ATP2B4: variants seen among roughly 807,000 people sequenced by gnomAD.
ATP2B4 encodes ATPase plasma membrane Ca2+ transporting 4.
In ATP2B4, 39 loss-of-function variants were observed where a neutral mutation model predicts 110.3. The observed-to-expected ratio is 0.35, with a 90% CI of 0.27 to 0.46. The LOEUF is 0.46. Ranked by LOEUF, ATP2B4 falls within the 20% of genes least tolerant of loss-of-function variation. The pLI is 1.00. For missense variants in ATP2B4, 1,135 were observed against 1,530.9 expected (o/e 0.74, Z 4.32); for synonymous variants, 538 against 571.7 (o/e 0.94, Z 0.84).
At chr1:203,657,512 A>G (rs535004006) in intron 1 of ATP2B4, 1 of 794,220 alleles carries the variant, frequency 1.3e-6, no homozygotes, top group Admixed American at 1.8e-5. Context: ...GAGTCTTTTC[A>G]TCCTTCTTTT....
chr1:203,665,865 T>A (rs1664488211), intron 1 of ATP2B4, among the ~76,000 whole-genome samples: 1 of 151,952 alleles, frequency 6.6e-6, no homozygotes, highest in African/African-American at 2.4e-5. Flanking sequence ...TGCTAATACA[T>A]GCTTAAATGT....
chr1:203,725,595 A>AT (rs1666485417), intron 19 of ATP2B4, among the ~76,000 whole-genome samples: 1 of 152,188 alleles, frequency 6.6e-6, no homozygotes, highest in Non-Finnish European at 1.5e-5. Flanking sequence ...ATTCCTTATA[A>AT]ATAATCAAAT....
chr1:203,733,110 C>T (rs1666779402), intron 20 of ATP2B4: 1 of 989,866 alleles, frequency 1.0e-6, no homozygotes, highest in African/African-American at 1.6e-5. Flanking sequence ...TCCCCTTTTC[C>T]CATCTACTTC....
At chr1:203,653,985 A>ATATATATATATATT (rs1426863910) in intron 1 of ATP2B4, among the ~76,000 whole-genome samples, 2 of 112,438 alleles carry the variant, frequency 1.8e-5, no homozygotes, top group African/African-American at 7.8e-5. Flanking sequence ...ATATATATAT[A>ATATATATATATATT]TTTTTTTTTT....
intron 19 of ATP2B4, among the ~76,000 whole-genome samples, chr1:203,724,890 T>TTTTTTTTTA (rs1275386550): frequency 6.8e-6 from 1 of 147,644 alleles, no homozygotes; most frequent in Admixed American, 6.8e-5. Context: ...TTTTTTTTTT[T>TTTTTTTTTA]TTCTGAGACA....
chr1:203,635,650 C>CA (rs34503344), intron 1 of ATP2B4, among the ~76,000 whole-genome samples: 225 of 144,434 alleles, frequency 1.6e-3, no homozygotes, highest in African/African-American at 2.6e-3. Flanking sequence ...GACCCTGTCT[C>CA]AAAAAAAAAA....
chr1:203,732,515 C>A (rs1666759488), intron 20 of ATP2B4, among the ~76,000 whole-genome samples: 1 of 152,196 alleles, frequency 6.6e-6, no homozygotes, highest in Non-Finnish European at 1.5e-5. Context: ...CCCAGCAACT[C>A]ATGGCCCAGG....
At chr1:203,720,085 T>A (rs1389439040) in intron 15 of ATP2B4, among the ~76,000 whole-genome samples, 2 of 152,112 alleles carry the variant, frequency 1.3e-5, no homozygotes, top group Non-Finnish European at 2.9e-5. Context: ...TTTTTTAATT[T>A]AACTTAAAAG....
At chr1:203,709,668 T>C (rs1350903549) in intron 11 of ATP2B4, 126 bp downstream of exon 11, 1 of 1,445,628 alleles carries the variant, frequency 6.9e-7, no homozygotes. Flanking sequence ...TAATAACTAA[T>C]ATCCAAGCGT....
Position 203,710,922 on chromosome 1 carries a change from G to A in ATP2B4, c.1845G>A (p.Lys615=), listed in dbSNP as rs146254127. ...LDRKGEAVPF[K]NKDRDDMVRT... is the part of the protein sequence containing the mutation. ...GGAAAGGGGAAGCAGTGCCATTCAA[G>A]AATAAAGACAGAGATGATATGGTAC... is the stretch of plus-strand genomic sequence containing the variant. The change falls in exon 12 of 21, where the codon AAG becomes AAA. Residue 615 remains lysine (K), a synonymous_variant. Transcript: ENST00000357681. The A allele has an allele frequency of 1.7e-5, 27 of 1,613,970 alleles. No homozygotes were observed. The highest frequency in any genetic ancestry group is 1.1e-4 in the African/African-American group (8 of 74,914).
intron 2 of ATP2B4, among the ~76,000 whole-genome samples, chr1:203,686,925 C>T (rs2102367252): frequency 6.6e-6 from 1 of 150,462 alleles, no homozygotes; most frequent in African/African-American, 2.4e-5. Flanking sequence ...GAACTCCTGA[C>T]CTCAGGTGAT....
chr1:203,739,456 G>T, intron 20 of ATP2B4, 90 bp from the exon 21 acceptor site: 2 of 1,345,618 alleles, frequency 1.5e-6, no homozygotes, highest in East Asian at 4.6e-5. Flanking sequence ...TCTGGGTTTT[G>T]TTTCTCTCCT....
chr1:203,734,096 T>A (rs943710804), intron 20 of ATP2B4, among the ~76,000 whole-genome samples: 3 of 152,002 alleles, frequency 2.0e-5, no homozygotes, highest in Non-Finnish European at 2.9e-5. Flanking sequence ...GGTCAGGAGA[T>A]CAAGACCATC....
intron 2 of ATP2B4, among the ~76,000 whole-genome samples, chr1:203,692,654 C>T (rs893311744): frequency 2.6e-5 from 4 of 152,174 alleles, no homozygotes; most frequent in Admixed American, 6.5e-5. Context: ...TGGGAAGTCC[C>T]TCCTGATGTC....
At chr1:203,639,201 C>G (rs1342815226) in intron 1 of ATP2B4, among the ~76,000 whole-genome samples, 1 of 152,188 alleles carries the variant, frequency 6.6e-6, no homozygotes, top group Non-Finnish European at 1.5e-5. Context: ...GATTTGGGAT[C>G]TAAGAGTCAA....
intron 1 of ATP2B4, among the ~76,000 whole-genome samples, chr1:203,646,482 G>A (rs1015914086): frequency 2.6e-5 from 4 of 152,204 alleles, no homozygotes; most frequent in African/African-American, 2.4e-5. Flanking sequence ...AAAAACAGTC[G>A]ACCAGGCACA....
chr1:203,640,457 A>G (rs925077493), intron 1 of ATP2B4, among the ~76,000 whole-genome samples: 6 of 151,984 alleles, frequency 3.9e-5, no homozygotes, highest in Non-Finnish European at 2.9e-5. Context: ...AACTGGGACT[A>G]CAAGTGCGTG....
At chr1:203,723,680 C>G (rs1666416588) in intron 18 of ATP2B4, among the ~76,000 whole-genome samples, 1 of 152,084 alleles carries the variant, frequency 6.6e-6, no homozygotes, top group Non-Finnish European at 1.5e-5. Flanking sequence ...ATGTCTGTCT[C>G]CCCATCAGAG....
At chr1:203,719,448 G>A (rs1336198748) in intron 15 of ATP2B4, among the ~76,000 whole-genome samples, 1 of 151,982 alleles carries the variant, frequency 6.6e-6, no homozygotes, top group Non-Finnish European at 1.5e-5. Context: ...GGTGGCACAT[G>A]ACTATAATCC....
Sources: allele counts gnomAD v4.1 joint callset (sites outside exome capture counted in the v4.1 genomes callset), GRCh38; gene constraint gnomAD v4.1.1; transcripts MANE v1.5; gene names NCBI Gene and HGNC (gene_info 2026-07-23, HGNC 2026-07-21).